Variants in DHX32 observed in about 807,000 individuals in gnomAD.
DHX32 encodes the protein putative pre-mRNA-splicing factor ATP-dependent RNA helicase DHX32.
DHX32 carries 51 observed loss-of-function variants against 70.0 expected under a neutral mutation model. That is an observed-to-expected ratio of 0.73 (90% CI 0.58 to 0.92). DHX32 has a LOEUF of 0.92. DHX32 is among the 40% of genes least tolerant of loss of function. The probability of loss-of-function intolerance (pLI) is 0.00; values close to 1 mark genes in which losing one functional copy is unlikely to be tolerated. For missense variants in DHX32, 762 were observed against 891.8 expected, an observed-to-expected ratio of 0.85 and a Z score of 1.85; for synonymous variants, 310 against 315.3, an observed-to-expected ratio of 0.98 and a Z score of 0.18.
At chr10:125,849,969 C>G (rs768496314) in intron 6 of DHX32, among the ~76,000 whole-genome samples, 6 of 151,944 alleles carry the variant, frequency 3.9e-5, no homozygotes, top group Non-Finnish European at 8.8e-5. Flanking sequence ...ACTGTAGAAT[C>G]TTTTGTTTCT....
chr10:125,886,548 T>G (rs1464820685), intron 1 of DHX32, among the ~76,000 whole-genome samples: 15 of 152,420 alleles, frequency 9.8e-5, no homozygotes, highest in Admixed American at 3.3e-4. Context: ...CTATCAGGAA[T>G]TCACTATGTT....
In DHX32 at chr10:125,852,201, T is replaced by C. The variant is rs946152727; in HGVS notation, c.1351+92A>G. Reference sequence around the variant, plus strand: ...AACGCCCCCTCCATGCTTGTGTGCATTGCTGCGCATCATGTGAACTCAGGA... The same window carrying C: ...AACGCCCCCTCCATGCTTGTGTGCACTGCTGCGCATCATGTGAACTCAGGA... On this transcript the variant is annotated intron_variant, in intron 6 of 10. Transcript: ENST00000284690. 20 of 1,477,012 alleles carry C rather than the reference T, an allele frequency of 1.4e-5. No homozygotes were observed. In the African/African-American group the frequency reaches 2.4e-4, roughly 18 times the overall value. 91.5% of individuals were successfully genotyped at this position (1,477,012 alleles called of 1,614,324 possible). A position where few individuals can be genotyped will look rare whatever the true frequency, so the allele number is the denominator to read the frequency against.
intron 2 of DHX32, among the ~76,000 whole-genome samples, chr10:125,861,481 A>G (rs1944188470): frequency 6.6e-6 from 1 of 152,142 alleles, no homozygotes. Flanking sequence ...TGGGCGACAG[A>G]GCGAGACTCC....
intron 6 of DHX32, among the ~76,000 whole-genome samples, chr10:125,852,074 A>C (rs576469562): frequency 6.6e-6 from 1 of 152,302 alleles, no homozygotes; most frequent in East Asian, 1.9e-4. Context: ...CAGCAGACAC[A>C]TTTCTCGTGT....
At chr10:125,871,461 T>C (rs1447843021) in intron 1 of DHX32, among the ~76,000 whole-genome samples, 1 of 152,250 alleles carries the variant, frequency 6.6e-6, no homozygotes, top group Non-Finnish European at 1.5e-5. Context: ...CGTACTCAAC[T>C]GTGGCTCTGA....
intron 6 of DHX32, among the ~76,000 whole-genome samples, chr10:125,845,975 T>C (rs1006880453): frequency 6.6e-6 from 1 of 152,180 alleles, no homozygotes; most frequent in African/African-American, 2.4e-5. Flanking sequence ...TCTCCCTGCA[T>C]GTCACATCAC....
chr10:125,859,467 A>C (rs570819411), intron 3 of DHX32, 136 bp downstream of exon 3: 1 of 953,356 alleles, frequency 1.0e-6, no homozygotes, highest in East Asian at 2.7e-5. Flanking sequence ...CTTTCAGCAC[A>C]GGTTTTATTT....
chr10:125,839,277 T>A (rs1854800169), intron 8 of DHX32, 89 bp from the exon 9 acceptor site: 15 of 1,353,594 alleles, frequency 1.1e-5, no homozygotes, highest in Non-Finnish European at 1.4e-5. Context: ...CTTTAAGCCC[T>A]GTGCTCTCCT....
chr10:125,886,521 ATAGAGTT>A (rs1346252226), intron 1 of DHX32, among the ~76,000 whole-genome samples: 1 of 152,280 alleles, frequency 6.6e-6, no homozygotes, highest in Non-Finnish European at 1.5e-5. Flanking sequence ...CTACTGCTGC[ATAGAGTT>A]TAAACACTTC....
At chr10:125,875,521 G>A (rs1484105389) in intron 1 of DHX32, among the ~76,000 whole-genome samples, 1 of 152,182 alleles carries the variant, frequency 6.6e-6, no homozygotes, top group East Asian at 1.9e-4. Context: ...AAGAATTTAT[G>A]AGTCCACATT....
rs1854686140 is a variant in DHX32, at chr10:125,836,406, C to G, written c.*281G>C. ...AAAAGTAGGGTTCTGTCCCATGTGT[C>G]TCTGACACATTTACAAAATACCAGT... On this transcript the variant is annotated 3_prime_UTR_variant, in exon 11 of 11. Coordinates refer to ENST00000284690, the MANE Select transcript of DHX32 (RefSeq NM_018180.3). The G allele has an allele frequency of 6.7e-6, 10 of 1,484,662 alleles. No individual in the cohort carries two copies. The highest frequency in any genetic ancestry group is 4.8e-4 in the Middle Eastern group (2 of 4,166). 92.0% of individuals were successfully genotyped at this position (1,484,662 alleles called of 1,614,324 possible). A position where few individuals can be genotyped will look rare whatever the true frequency, so the allele number is the denominator to read the frequency against.
chr10:125,889,472 C>T lies in DHX32; in HGVS notation c.-248+6746G>A, dbSNP rs3866428. 3.9e-4 allele frequency among the ~76,000 whole-genome samples: 59 copies of T among 152,284 alleles called. No individual in the cohort carries two copies. In the East Asian group the frequency reaches 8.1e-3, roughly 21 times the overall value. Reference sequence around the variant, plus strand: ...GCGGGATCACTGGTCCAACACTCCACGTCAACTCTGGTGCTGGTTTGTGGC... The same window carrying T: ...GCGGGATCACTGGTCCAACACTCCATGTCAACTCTGGTGCTGGTTTGTGGC... On this transcript the variant is annotated intron_variant, in intron 1 of 2. Transcript: ENST00000415732.
chr10:125,870,353 G>A (rs1418504009), intron 1 of DHX32, among the ~76,000 whole-genome samples: 1 of 152,194 alleles, frequency 6.6e-6, no homozygotes. Flanking sequence ...TTTGATGCAT[G>A]AGGAAAGAAA....
Position 125,854,222 on chromosome 10 carries a change from A to G in DHX32, c.850-19T>C. ...CAATATCCTAAAGAAAAAAAAACCCATGAAAATAAAATACAATGCAAACAA... is the reference window on the plus strand; with the variant it reads ...CAATATCCTAAAGAAAAAAAAACCCGTGAAAATAAAATACAATGCAAACAA... On this transcript the variant is annotated intron_variant, in intron 3 of 10. Transcript: ENST00000284690. The G allele has an allele frequency of 6.4e-7, 1 of 1,563,436 alleles. No individual in the cohort carries two copies. The highest frequency in any genetic ancestry group is 8.6e-7 in the Non-Finnish European group (1 of 1,163,686).
intron 1 of DHX32, among the ~76,000 whole-genome samples, chr10:125,890,335 C>T (rs1487804060): frequency 1.3e-5 from 2 of 152,256 alleles, no homozygotes; most frequent in Non-Finnish European, 2.9e-5. Context: ...TTTAGAAGGT[C>T]ACTTCTTTGT....
At chr10:125,857,222 T>C (rs369310466) in intron 3 of DHX32, among the ~76,000 whole-genome samples, 77 of 152,260 alleles carry the variant, frequency 5.1e-4, no homozygotes, top group African/African-American at 1.8e-3. Flanking sequence ...AAAAGAAAAG[T>C]CCATCAGTAT....
chr10:125,841,416 C>A, intron 7 of DHX32: 1 of 1,594,214 alleles, frequency 6.3e-7, no homozygotes, highest in Non-Finnish European at 8.6e-7. Flanking sequence ...AACAGGCACA[C>A]AACATTATTT....
At chr10:125,873,957 C>T (rs1239774927) in intron 1 of DHX32, among the ~76,000 whole-genome samples, 1 of 152,206 alleles carries the variant, frequency 6.6e-6, no homozygotes, top group Non-Finnish European at 1.5e-5. Flanking sequence ...TTTTTCACCT[C>T]ACTGACCCAT....
chr10:125,887,152 A>C (rs1251402836), intron 1 of DHX32, among the ~76,000 whole-genome samples: 1 of 152,182 alleles, frequency 6.6e-6, no homozygotes, highest in Non-Finnish European at 1.5e-5. Flanking sequence ...ATAATCTAAT[A>C]GGTCTTCTGT....
Sources: allele counts gnomAD v4.1 joint callset (sites outside exome capture counted in the v4.1 genomes callset), GRCh38; gene constraint gnomAD v4.1.1; transcripts MANE v1.5; gene names NCBI Gene and HGNC (gene_info 2026-07-23, HGNC 2026-07-21).